SCTR: variants seen among roughly 807,000 people sequenced by gnomAD.
The protein encoded by SCTR is pancreatic secretin receptor.
In SCTR, 56 loss-of-function variants were observed where a neutral mutation model predicts 60.8. That is an observed-to-expected ratio of 0.92 (90% CI 0.74 to 1.15). The LOEUF (loss-of-function observed/expected upper bound fraction) is 1.15, where lower values mean the gene tolerates loss of function less well. Among genes scored for constraint, SCTR ranks in the 50% most tolerant of loss-of-function variants. The pLI, the probability that SCTR is intolerant of heterozygous loss-of-function variation, is 0.00. For missense variants in SCTR, 562 were observed against 550.4 expected, an observed-to-expected ratio of 1.02 and a Z score of -0.21; for synonymous variants, 202 against 217.0, an observed-to-expected ratio of 0.93 and a Z score of 0.61.
intron 11 of SCTR, among the ~76,000 whole-genome samples, chr2:119,442,932 G>C (rs17015886): frequency 0.02 from 3,052 of 152,186 alleles, 96 homozygotes; most frequent in African/African-American, 0.07. Flanking sequence ...AGTAATTGTA[G>C]GTCCCAGGTG....
At chr2:119,490,920 G>A (rs1269945707) in intron 2 of SCTR, among the ~76,000 whole-genome samples, 1 of 152,152 alleles carries the variant, frequency 6.6e-6, no homozygotes, top group Non-Finnish European at 1.5e-5. Flanking sequence ...TGACTGACAG[G>A]GCACTGGTGG....
At chr2:119,491,517 A>G (rs1438392709) in intron 2 of SCTR, among the ~76,000 whole-genome samples, 1 of 151,856 alleles carries the variant, frequency 6.6e-6, no homozygotes, top group African/African-American at 2.4e-5. Flanking sequence ...ATTATTATTA[A>G]TATTATTTTT....
chr2:119,500,016 C>A (rs2579661), intron 1 of SCTR, among the ~76,000 whole-genome samples: 130,417 of 152,142 alleles, frequency 0.86, 55,984 homozygotes, highest in African/African-American at 0.9. Context: ...TAAATATACA[C>A]TTCAATTTAA....
At chr2:119,473,421 C>T (rs995807266) in intron 4 of SCTR, 32 bp downstream of exon 4, 3 of 1,492,738 alleles carry the variant, frequency 2.0e-6, no homozygotes, top group South Asian at 1.1e-5. Context: ...TTCCTGTCCC[C>T]GGGTTCGTGG....
chr2:119,483,162 A>G (rs1677708566), intron 2 of SCTR, among the ~76,000 whole-genome samples: 1 of 152,210 alleles, frequency 6.6e-6, no homozygotes, highest in African/African-American at 2.4e-5. Flanking sequence ...AGGCTTCCTA[A>G]CTTGGGTCAC....
At chr2:119,465,342 G>A (rs1242951155) in intron 5 of SCTR, among the ~76,000 whole-genome samples, 1 of 152,194 alleles carries the variant, frequency 6.6e-6, no homozygotes, top group Non-Finnish European at 1.5e-5. Flanking sequence ...AATGGAGGGA[G>A]ACGGACCTAG....
At chr2:119,496,557 A>G (rs1459529667) in intron 1 of SCTR, among the ~76,000 whole-genome samples, 2 of 152,164 alleles carry the variant, frequency 1.3e-5, no homozygotes, top group Non-Finnish European at 2.9e-5. Flanking sequence ...CAAACATAAG[A>G]AGACTCTGAA....
chr2:119,519,993 G>A (rs1386843093), intron 1 of SCTR, among the ~76,000 whole-genome samples: 3 of 152,102 alleles, frequency 2.0e-5, no homozygotes, highest in Non-Finnish European at 4.4e-5. Flanking sequence ...GCTAATAACT[G>A]TTGAAGTGAG....
intron 7 of SCTR, among the ~76,000 whole-genome samples, chr2:119,459,744 T>C (rs1169873973): frequency 6.6e-6 from 1 of 152,178 alleles, no homozygotes; most frequent in Admixed American, 6.5e-5. Context: ...TCCAACATCT[T>C]AAAATCCTGT....
At chr2:119,504,664 T>C (rs1028864684) in intron 1 of SCTR, among the ~76,000 whole-genome samples, 12 of 151,974 alleles carry the variant, frequency 7.9e-5, no homozygotes, top group African/African-American at 2.7e-4. Flanking sequence ...TAAAGCTGCA[T>C]AGAGTTCTTA....
At chr2:119,477,489 C>T (rs907842118) in intron 3 of SCTR, among the ~76,000 whole-genome samples, 3 of 151,986 alleles carry the variant, frequency 2.0e-5, no homozygotes, top group Admixed American at 6.6e-5. Context: ...CTCACTCTGT[C>T]GCCCAGGCTG....
Position 119,478,758 on chromosome 2 carries a change from C to G in SCTR, c.301+53G>C. On this transcript the variant is annotated intron_variant, in intron 3 of 12. Coordinates refer to ENST00000019103, the MANE Select transcript of SCTR (RefSeq NM_002980.3). ...TCCTGCCTCTAAGCTGAGGCCCCAC[C>G]CAGAGGGACACCCCTCAGCCTGTCC... is the stretch of plus-strand genomic sequence containing the variant. 4 of 1,581,830 alleles carry G rather than the reference C, an allele frequency of 2.5e-6. No individual in the cohort carries two copies. The South Asian group carries it at 4.5e-5, about 18-fold the overall frequency.
At chr2:119,482,453 C>T (rs981554459) in intron 2 of SCTR, among the ~76,000 whole-genome samples, 1 of 152,176 alleles carries the variant, frequency 6.6e-6, no homozygotes, top group Non-Finnish European at 1.5e-5. Flanking sequence ...TGTAGAGGGA[C>T]ACAGAAGGCA....
chr2:119,479,150 G>T, intron 2 of SCTR: 1 of 1,287,486 alleles, frequency 7.8e-7, no homozygotes, highest in South Asian at 2.6e-5. Flanking sequence ...AAGTAAGAAA[G>T]GGAGGGAGGA....
intron 1 of SCTR, among the ~76,000 whole-genome samples, chr2:119,502,744 T>G (rs2104921095): frequency 6.7e-6 from 1 of 149,780 alleles, no homozygotes; most frequent in East Asian, 2.0e-4. Context: ...GTAATCCCAG[T>G]GCTTAGAGAG....
chr2:119,445,937 T>G (rs1376819135), intron 11 of SCTR, among the ~76,000 whole-genome samples: 2 of 152,226 alleles, frequency 1.3e-5, no homozygotes, highest in African/African-American at 2.4e-5. Context: ...TTTTTGTCCT[T>G]TGTATGTTTT....
chr2:119,501,939 C>A (rs1490324402), intron 1 of SCTR, among the ~76,000 whole-genome samples: 5 of 152,106 alleles, frequency 3.3e-5, no homozygotes, highest in African/African-American at 1.2e-4. Flanking sequence ...TATATACTTG[C>A]AGTGAGCACA....
chr2:119,478,831 C>A lies in SCTR; in HGVS notation c.281G>T (p.Arg94Leu). The A allele has an allele frequency of 6.2e-7, 1 of 1,614,128 alleles. No individual in the cohort carries two copies. The highest frequency in any genetic ancestry group is 8.5e-7 in the Non-Finnish European group (1 of 1,180,020). The part of the protein sequence containing the change: ...MVEVECPRFL[R>L]MLTSRNGSLF... ...GTTACCATTTCTGCTGGTGAGCATC[C>A]GGAGGAATCTCGGGCATTCCACCTC... The change falls in exon 3 of 13, where the codon CGG (arginine) becomes CTG (leucine). Residue 94 changes from arginine to leucine, a missense_variant. Transcript: ENST00000019103.
chr2:119,462,808 G>A (rs980509430), intron 6 of SCTR, among the ~76,000 whole-genome samples: 1 of 152,232 alleles, frequency 6.6e-6, no homozygotes, highest in Non-Finnish European at 1.5e-5. Context: ...GACAGTGGTG[G>A]TTCCTGCCTT....
Sources: gnomAD v4.1 joint callset for allele counts (sites outside exome capture counted in the v4.1 genomes callset) on GRCh38, gnomAD v4.1.1 for gene constraint, MANE v1.5 for transcripts, NCBI Gene and HGNC (gene_info 2026-07-23, HGNC 2026-07-21) for gene names.